KLHL1: variants seen among roughly 807,000 people sequenced by gnomAD.
KLHL1 encodes the protein kelch like family member 1, also known as kelch-like protein 1.
KLHL1 carries 47 observed loss-of-function variants against 77.7 expected under a neutral mutation model. That is an observed-to-expected ratio of 0.60 (90% CI 0.48 to 0.77). The LOEUF is 0.77. Ranked by LOEUF, KLHL1 falls within the 30% of genes least tolerant of loss-of-function variation. KLHL1 has a pLI of 0.00. For synonymous variants in KLHL1, 360 were observed against 325.2 expected (o/e 1.11, Z -1.15); for missense variants, 925 against 910.8 (o/e 1.02, Z -0.20).
intron 1 of KLHL1, among the ~76,000 whole-genome samples, chr13:70,079,758 G>A (rs1328734171): frequency 6.6e-6 from 1 of 152,108 alleles, no homozygotes; most frequent in Non-Finnish European, 1.5e-5. Flanking sequence ...TTTCATGAAT[G>A]AGGAAACGAA....
chr13:69,928,487 C>A (rs754012181), intron 4 of KLHL1, among the ~76,000 whole-genome samples: 21 of 152,176 alleles, frequency 1.4e-4, no homozygotes, highest in Non-Finnish European at 2.6e-4. Flanking sequence ...ATTACAGCAG[C>A]ATTATTCATA....
intron 1 of KLHL1, among the ~76,000 whole-genome samples, chr13:70,097,209 T>A (rs1480383862): frequency 6.6e-6 from 1 of 152,032 alleles, no homozygotes; most frequent in South Asian, 2.1e-4. Flanking sequence ...CAAGAGTTTG[T>A]ACTTAACAAG....
intron 5 of KLHL1, among the ~76,000 whole-genome samples, chr13:69,841,763 T>G (rs1879270013): frequency 6.6e-6 from 1 of 151,830 alleles, no homozygotes; most frequent in African/African-American, 2.4e-5. Context: ...AAAGCAATCC[T>G]GATCAAAAAG....
At chr13:69,963,063 T>C (rs532260355) in intron 2 of KLHL1, among the ~76,000 whole-genome samples, 1 of 152,226 alleles carries the variant, frequency 6.6e-6, no homozygotes, top group South Asian at 2.1e-4. Flanking sequence ...TTGTTTATAA[T>C]TTCAGCATTT....
intron 8 of KLHL1, among the ~76,000 whole-genome samples, chr13:69,727,902 A>G (rs1321974559): frequency 2.0e-5 from 3 of 151,292 alleles, no homozygotes; most frequent in Non-Finnish European, 4.4e-5. Context: ...AAGTTACTAT[A>G]TGATCTCTTT....
At chr13:70,068,492 A>AT (rs1410828318) in intron 1 of KLHL1, among the ~76,000 whole-genome samples, 1 of 73,680 alleles carries the variant, frequency 1.4e-5, no homozygotes, top group Non-Finnish European at 2.9e-5. Context: ...ACAGTGGCAC[A>AT]TATTTGAGTT....
intron 5 of KLHL1, among the ~76,000 whole-genome samples, chr13:69,866,832 G>C (rs185665830): frequency 1.1e-4 from 17 of 152,188 alleles, no homozygotes; most frequent in Non-Finnish European, 2.1e-4. Flanking sequence ...GGTAATAAGA[G>C]GGCTTCGTAA....
intron 1 of KLHL1, among the ~76,000 whole-genome samples, chr13:70,070,662 T>C (rs1887117420): frequency 1.3e-5 from 2 of 152,046 alleles, no homozygotes; most frequent in South Asian, 4.1e-4. Flanking sequence ...CAGGCCTACA[T>C]ATAGAAAGGA....
intron 9 of KLHL1, among the ~76,000 whole-genome samples, chr13:69,719,015 C>T (rs1872905056): frequency 6.6e-6 from 1 of 151,986 alleles, no homozygotes; most frequent in African/African-American, 2.4e-5. Context: ...CAAATATTCA[C>T]TTTTATAAAT....
At chr13:70,007,011 TA>T (rs1458709077) in intron 1 of KLHL1, among the ~76,000 whole-genome samples, 1 of 151,968 alleles carries the variant, frequency 6.6e-6, no homozygotes, top group African/African-American at 2.4e-5. Flanking sequence ...ATGATAGCCA[TA>T]AGAGCTATGG....
chr13:69,971,868 ATTGT>A (rs1395930747), intron 2 of KLHL1, among the ~76,000 whole-genome samples: 7 of 152,102 alleles, frequency 4.6e-5, no homozygotes, highest in African/African-American at 1.7e-4. Flanking sequence ...ATGTTTGATA[ATTGT>A]TTGTTTTAAT....
chr13:70,101,121 T>C (rs952567423), intron 1 of KLHL1, among the ~76,000 whole-genome samples: 2 of 152,210 alleles, frequency 1.3e-5, no homozygotes, highest in African/African-American at 4.8e-5. Context: ...ATTAATATTA[T>C]ATTCTATGTT....
rs1356740612 is a variant in KLHL1, at chr13:69,701,501, AC to A, written c.*200del. 1 of 498,768 alleles carries A rather than the reference AC, an allele frequency of 2.0e-6. No homozygotes were observed. Among genetic ancestry groups the A allele is most frequent in the African/African-American group, 2.0e-5 (1 of 49,258 alleles). The allele number at this position is 498,768 out of a possible 1,614,324, so 30.9% of individuals were successfully genotyped here. On this transcript the variant is annotated 3_prime_UTR_variant, in exon 11 of 11. Transcript: ENST00000377844. ...CCCGAACTAACTAACATATGGCCAG[AC>A]ATTTTTCCTGTATAAGTTTAATGTT...
chr13:70,032,122 A>G (rs1488238447), intron 1 of KLHL1, among the ~76,000 whole-genome samples: 1 of 152,186 alleles, frequency 6.6e-6, no homozygotes, highest in African/African-American at 2.4e-5. Context: ...GGTTTATTGT[A>G]AACATTTAAA....
rs1241980131 is a variant in KLHL1 at position 69,953,397 on chromosome 13, G to GC, written c.817+7910dup. ...ACAATGACATAAGTAATTATGAGCAGCGCTGCCTCTCATATTAAGCAGACA... is the reference window on the plus strand; with the variant it reads ...ACAATGACATAAGTAATTATGAGCAGCCGCTGCCTCTCATATTAAGCAGACA... On this transcript the variant is annotated intron_variant, in intron 3 of 10. Transcript: ENST00000377844. Among the ~76,000 whole-genome samples, 4 of 151,112 alleles carry GC rather than the reference G, an allele frequency of 2.6e-5. No individual in the cohort carries two copies. In the South Asian group the frequency reaches 6.2e-4, roughly 23 times the overall value.
intron 4 of KLHL1, among the ~76,000 whole-genome samples, chr13:69,895,361 C>T (rs1341411337): frequency 1.3e-5 from 2 of 152,104 alleles, no homozygotes; most frequent in African/African-American, 2.4e-5. Flanking sequence ...GACTTTGACC[C>T]ATCTTGCCTT....
intron 4 of KLHL1, among the ~76,000 whole-genome samples, chr13:69,918,856 T>C (rs556018770): frequency 1.3e-5 from 2 of 152,270 alleles, no homozygotes; most frequent in South Asian, 4.1e-4. Flanking sequence ...CTCTCCATCA[T>C]CTTTATAAAA....
chr13:69,762,727 G>A (rs1875085898), intron 7 of KLHL1, among the ~76,000 whole-genome samples: 1 of 149,626 alleles, frequency 6.7e-6, no homozygotes, highest in East Asian at 2.0e-4. Flanking sequence ...CATAAGTTAA[G>A]ATTTCTCTGC....
At chr13:69,876,091 A>G (rs1239610688) in intron 5 of KLHL1, among the ~76,000 whole-genome samples, 3 of 152,198 alleles carry the variant, frequency 2.0e-5, no homozygotes, top group Non-Finnish European at 4.4e-5. Context: ...TAACATACAG[A>G]ACACATTTAA....
Sources: gnomAD v4.1 joint callset for allele counts (sites outside exome capture counted in the v4.1 genomes callset) on GRCh38, gnomAD v4.1.1 for gene constraint, MANE v1.5 for transcripts, NCBI Gene and HGNC (gene_info 2026-07-23, HGNC 2026-07-21) for gene names.